Variants in NPFFR2 observed in about 807,000 individuals in gnomAD.
NPFFR2 encodes G-protein coupled receptor 74.
NPFFR2 carries 15 observed loss-of-function variants against 13.1 expected under a neutral mutation model. That is an observed-to-expected ratio of 1.15 (90% CI 0.77 to 1.76). The LOEUF (loss-of-function observed/expected upper bound fraction) is 1.76. NPFFR2 is among the 40% of genes most tolerant of loss of function. NPFFR2 has a pLI of 0.00. For missense variants in NPFFR2, 572 were observed against 503.5 expected (o/e 1.14, Z -1.30); for synonymous variants, 190 against 175.7 (o/e 1.08, Z -0.65).
intron 1 of NPFFR2, among the ~76,000 whole-genome samples, chr4:72,036,915 C>A (rs749395687): frequency 3.9e-5 from 6 of 152,100 alleles, no homozygotes; most frequent in Non-Finnish European, 7.3e-5. Flanking sequence ...CCTTATGATT[C>A]TCATATCTTG....
chr4:72,140,955 G>A (rs976939719), intron 3 of NPFFR2, among the ~76,000 whole-genome samples: 8 of 152,040 alleles, frequency 5.3e-5, no homozygotes, highest in Admixed American at 4.6e-4. Context: ...TTATTGGTCT[G>A]TTCAGAGATT....
At chr4:72,032,754 T>C (rs537700972) in intron 1 of NPFFR2, among the ~76,000 whole-genome samples, 20 of 152,146 alleles carry the variant, frequency 1.3e-4, no homozygotes, top group Non-Finnish European at 2.6e-4. Context: ...ACAATACCAT[T>C]TTAGTTCTTC....
At chr4:72,108,260 A>G (rs1359874759) in intron 1 of NPFFR2, among the ~76,000 whole-genome samples, 3 of 152,020 alleles carry the variant, frequency 2.0e-5, no homozygotes, top group Non-Finnish European at 4.4e-5. Flanking sequence ...TATAAGCAAT[A>G]CTTAGGGATA....
intron 1 of NPFFR2, among the ~76,000 whole-genome samples, chr4:72,048,701 A>T (rs1719453017): frequency 6.6e-6 from 1 of 151,308 alleles, no homozygotes; most frequent in South Asian, 2.1e-4. Context: ...TTTTTTAATG[A>T]TACTTTGGTA....
intron 1 of NPFFR2, among the ~76,000 whole-genome samples, chr4:72,075,308 A>G (rs1449814034): frequency 6.6e-6 from 1 of 152,138 alleles, no homozygotes; most frequent in Admixed American, 6.6e-5. Flanking sequence ...CAGCCTGGAG[A>G]CAGCCCATTG....
intron 1 of NPFFR2, among the ~76,000 whole-genome samples, chr4:72,052,738 GTC>G (rs950584824): frequency 1.3e-5 from 2 of 151,958 alleles, no homozygotes; most frequent in African/African-American, 4.8e-5. Context: ...TTAACTAAGA[GTC>G]TGGCACCTTT....
rs555287912 is a variant in NPFFR2 at position 72,047,992 on chromosome 4, C to G, written c.-8+15792C>G. On this transcript the variant is annotated intron_variant, in intron 1 of 3. Transcript: ENST00000308744. ...ATTTGACAGATTTCCCCCACTCAAT[C>G]TCTCATTACAGGGAGATGGCTAACT... 1.8e-4 allele frequency among the ~76,000 whole-genome samples: 27 copies of G among 152,166 alleles called. No homozygotes were observed. In the South Asian group the frequency reaches 5.4e-3, roughly 30 times the overall value.
intron 2 of NPFFR2, among the ~76,000 whole-genome samples, chr4:72,129,552 T>C (rs1440655499): frequency 5.4e-5 from 2 of 36,958 alleles, no homozygotes; most frequent in East Asian, 1.1e-3. Context: ...TGCATACACA[T>C]AAACATCTCA....
At chr4:72,085,869 T>C (rs143606770) in intron 1 of NPFFR2, among the ~76,000 whole-genome samples, 163 of 152,256 alleles carry the variant, frequency 1.1e-3, no homozygotes, top group African/African-American at 3.6e-3. Flanking sequence ...AGTACAAGTT[T>C]AGTGTATATA....
chr4:72,139,434 T>G (rs1232624611), intron 3 of NPFFR2, among the ~76,000 whole-genome samples: 1 of 152,160 alleles, frequency 6.6e-6, no homozygotes, highest in Non-Finnish European at 1.5e-5. Context: ...TTAATTTTTG[T>G]GTGAGGTATA....
chr4:72,058,965 A>T (rs988033238), intron 1 of NPFFR2, among the ~76,000 whole-genome samples: 2 of 152,130 alleles, frequency 1.3e-5, no homozygotes, highest in Non-Finnish European at 2.9e-5. Context: ...AAATAAGCCT[A>T]TCAAGTGCAG....
chr4:72,111,487 G>A (rs920213960), intron 1 of NPFFR2, among the ~76,000 whole-genome samples: 59 of 151,968 alleles, frequency 3.9e-4, no homozygotes, highest in African/African-American at 1.4e-3. Flanking sequence ...TTGAATGCTT[G>A]ATAATCTACA....
At chr4:72,050,908 CA>C (rs1719542567) in intron 1 of NPFFR2, among the ~76,000 whole-genome samples, 1 of 151,706 alleles carries the variant, frequency 6.6e-6, no homozygotes, top group South Asian at 2.1e-4. Context: ...TGATGATTTC[CA>C]ATTTCATCCA....
chr4:72,076,015 A>G (rs1367109592), intron 1 of NPFFR2, among the ~76,000 whole-genome samples: 4 of 8,124 alleles, frequency 4.9e-4, no homozygotes, highest in African/African-American at 1.2e-3. Flanking sequence ...ACAGAGAGAG[A>G]GAGAGGGCAG....
chr4:72,042,079 G>A (rs2109756158), intron 1 of NPFFR2, among the ~76,000 whole-genome samples: 1 of 152,178 alleles, frequency 6.6e-6, no homozygotes, highest in Admixed American at 6.5e-5. Flanking sequence ...TGGCTTGGCT[G>A]TGTCCCCCAC....
intron 1 of NPFFR2, among the ~76,000 whole-genome samples, chr4:72,108,988 T>C (rs1407555811): frequency 1.3e-5 from 2 of 152,064 alleles, no homozygotes; most frequent in East Asian, 1.9e-4. Context: ...CACTTACTTA[T>C]ATTAATAAAT....
chr4:72,050,602 C>T (rs1719519121), intron 1 of NPFFR2, among the ~76,000 whole-genome samples: 1 of 151,858 alleles, frequency 6.6e-6, no homozygotes, highest in Admixed American at 6.6e-5. Context: ...CCTCAAAATA[C>T]ATTTCTTTGA....
chr4:72,085,918 TGGA>T (rs1720758178), intron 1 of NPFFR2, among the ~76,000 whole-genome samples: 1 of 152,056 alleles, frequency 6.6e-6, no homozygotes, highest in Non-Finnish European at 1.5e-5. Context: ...GAAGAAACAA[TGGA>T]GGGAAAACAT....
intron 1 of NPFFR2, among the ~76,000 whole-genome samples, chr4:72,037,492 T>C: frequency 6.6e-6 from 1 of 152,004 alleles, no homozygotes; most frequent in East Asian, 1.9e-4. Context: ...GGCACACTGA[T>C]AATAAACTGA....
Sources: gnomAD v4.1 joint callset for allele counts (sites outside exome capture counted in the v4.1 genomes callset) on GRCh38, gnomAD v4.1.1 for gene constraint, MANE v1.5 for transcripts, NCBI Gene and HGNC (gene_info 2026-07-23, HGNC 2026-07-21) for gene names.